TMOD3: variants seen among roughly 807,000 people sequenced by gnomAD.
TMOD3 encodes tropomodulin-3.
TMOD3 carries 20 observed loss-of-function variants against 39.2 expected under a neutral mutation model. The observed-to-expected ratio is 0.51, with a 90% CI of 0.36 to 0.74. TMOD3 has a LOEUF of 0.74. Among genes scored for constraint, TMOD3 ranks in the 30% least tolerant of loss-of-function variants. The probability of loss-of-function intolerance (pLI) is 0.00; values close to 1 mark genes in which losing one functional copy is unlikely to be tolerated. For synonymous variants in TMOD3, 143 were observed against 145.8 expected, an observed-to-expected ratio of 0.98 and a Z score of 0.14; for missense variants, 381 against 412.8, an observed-to-expected ratio of 0.92 and a Z score of 0.67.
At chr15:51,897,027 C>T (rs950170521) in intron 7 of TMOD3, among the ~76,000 whole-genome samples, 1 of 152,154 alleles carries the variant, frequency 6.6e-6, no homozygotes, top group Non-Finnish European at 1.5e-5. Context: ...GAGATAAATC[C>T]CACTTGATCA....
chr15:51,882,918 C>G (rs2056542250), intron 3 of TMOD3, among the ~76,000 whole-genome samples: 1 of 152,166 alleles, frequency 6.6e-6, no homozygotes, highest in East Asian at 1.9e-4. Flanking sequence ...AAACTTAGGT[C>G]CTTCCTAGTT....
chr15:51,832,637 G>T (rs776433095), intron 1 of TMOD3, among the ~76,000 whole-genome samples: 3 of 152,048 alleles, frequency 2.0e-5, no homozygotes, highest in Non-Finnish European at 4.4e-5. Context: ...TTCCAGGACA[G>T]CCTGGGCAAC....
intron 1 of TMOD3, among the ~76,000 whole-genome samples, chr15:51,855,233 A>G (rs1008102272): frequency 2.0e-5 from 3 of 152,234 alleles, no homozygotes; most frequent in South Asian, 2.1e-4. Flanking sequence ...CCTCTAGAGC[A>G]GTAGATCTCA....
chr15:51,852,594 G>A (rs1037948771), intron 1 of TMOD3, among the ~76,000 whole-genome samples: 10 of 152,116 alleles, frequency 6.6e-5, no homozygotes, highest in African/African-American at 1.4e-4. Context: ...AAGGATCAAC[G>A]GAAGTATCAA....
intron 4 of TMOD3, 150 bp downstream of exon 4, chr15:51,887,861 T>G: frequency 2.2e-6 from 2 of 904,882 alleles, no homozygotes; most frequent in Non-Finnish European, 3.3e-6. Flanking sequence ...TTTTACACGG[T>G]AAAGCTGACG....
chr15:51,902,580 C>T (rs994853582), intron 9 of TMOD3, among the ~76,000 whole-genome samples: 1 of 151,868 alleles, frequency 6.6e-6, no homozygotes, highest in Non-Finnish European at 1.5e-5. Context: ...AAGTGATTCT[C>T]CTCCCTCAGC....
chr15:51,849,324 C>G (rs911700569), intron 1 of TMOD3, among the ~76,000 whole-genome samples: 2 of 152,088 alleles, frequency 1.3e-5, no homozygotes, highest in African/African-American at 4.8e-5. Context: ...ATTTGAGAAA[C>G]CTGTTAGCCA....
In TMOD3 at chr15:51,857,940, A is replaced by G. The variant is rs1384059163; in HGVS notation, c.-74-4871A>G. 4 of 152,158 alleles carry G rather than the reference A, an allele frequency of 2.6e-5. No individual in the cohort carries two copies. In the East Asian group the frequency reaches 5.8e-4, roughly 22 times the overall value. 9.4% of individuals were successfully genotyped at this position (152,158 alleles called of 1,614,324 possible). On this transcript the variant is annotated intron_variant, in intron 1 of 9. Coordinates refer to ENST00000308580, the MANE Select transcript of TMOD3 (RefSeq NM_014547.5). ...AAATTTTTACCTTCTTCAGAATTACATTTTATGGCTAATATATTGGAAAGT... is the reference window on the plus strand; with the variant it reads ...AAATTTTTACCTTCTTCAGAATTACGTTTTATGGCTAATATATTGGAAAGT...
At chr15:51,861,969 G>T (rs1392818585) in intron 1 of TMOD3, among the ~76,000 whole-genome samples, 1 of 152,148 alleles carries the variant, frequency 6.6e-6, no homozygotes, top group African/African-American at 2.4e-5. Context: ...TTATGAGACA[G>T]ACAGTTCATA....
chr15:51,892,976 C>A (rs1209519606), intron 5 of TMOD3, among the ~76,000 whole-genome samples: 1 of 152,044 alleles, frequency 6.6e-6, no homozygotes, highest in Non-Finnish European at 1.5e-5. Flanking sequence ...TATTTATATT[C>A]AGTAAAATTT....
intron 1 of TMOD3, chr15:51,860,481 A>C (rs2056411720): frequency 1.8e-6 from 1 of 568,758 alleles, no homozygotes; most frequent in Non-Finnish European, 3.5e-6. Flanking sequence ...ATGAAAGTGC[A>C]GTGCCCAAAG....
chr15:51,893,203 G>C (rs1466193894), intron 5 of TMOD3, among the ~76,000 whole-genome samples: 4 of 148,358 alleles, frequency 2.7e-5, no homozygotes, highest in Non-Finnish European at 5.9e-5. Flanking sequence ...GCTGAGGCAG[G>C]AGAGTTGCTT....
At chr15:51,896,643 G>C in intron 7 of TMOD3, 117 bp downstream of exon 7, 1 of 688,380 alleles carries the variant, frequency 1.5e-6, no homozygotes, top group Non-Finnish European at 2.4e-6. Flanking sequence ...CTCACTATTA[G>C]GCAGTATATT....
intron 1 of TMOD3, among the ~76,000 whole-genome samples, chr15:51,849,923 G>C (rs1234669172): frequency 6.6e-6 from 1 of 150,630 alleles, no homozygotes; most frequent in African/African-American, 2.4e-5. Context: ...GACAGAACGA[G>C]ACTCTGTCTC....
At chr15:51,908,733 C>T in intron 9 of TMOD3, 43 bp from the exon 10 acceptor site, 2 of 1,510,800 alleles carry the variant, frequency 1.3e-6, no homozygotes, top group Non-Finnish European at 8.9e-7. Context: ...ATTGTAAAAA[C>T]TAATAGGGAT....
rs76659159 is a variant in TMOD3 at position 51,888,735 on chromosome 15, G to C, written c.407-321G>C. On this transcript the variant is annotated intron_variant, in intron 4 of 9. Transcript: ENST00000308580. ...TAGAAACCTTGTGAAATTAATGAAC[G>C]GCAAAAATAGATCATTTCCATTTTC... Among the ~76,000 whole-genome samples, 798 of 152,092 alleles carry C rather than the reference G, an allele frequency of 5.2e-3. 3 individuals are homozygous for C. The highest frequency in any genetic ancestry group is 0.019 in the African/African-American group (768 of 41,470).
At chr15:51,842,416 C>G (rs1049128724) in intron 1 of TMOD3, among the ~76,000 whole-genome samples, 9 of 152,138 alleles carry the variant, frequency 5.9e-5, no homozygotes, top group African/African-American at 2.2e-4. Flanking sequence ...CTAGCAAGCC[C>G]TCTTCAGTGC....
At position 51,911,885 on chromosome 15, in the gene TMOD3, G is replaced by A. The variant is rs1595917319; in HGVS notation, c.*3075G>A. ...TTTCAAAGTTGCCTGTCATTTAAAA[G>A]ACCAAATAAGCATTTTGTATTAAAT... On this transcript the variant is annotated 3_prime_UTR_variant, in exon 10 of 10. Coordinates refer to ENST00000308580, the MANE Select transcript of TMOD3 (RefSeq NM_014547.5). The A allele has an allele frequency of 6.6e-6, 1 of 152,270 alleles. No individual in the cohort carries two copies. The allele number at this position is 152,270 out of a possible 1,614,324, so 9.4% of individuals were successfully genotyped here. A position where few individuals can be genotyped will look rare whatever the true frequency, so the allele number is the denominator to read the frequency against.
chr15:51,892,519 A>T (rs2056598914), intron 5 of TMOD3: 2 of 152,140 alleles, frequency 1.3e-5, no homozygotes, highest in Non-Finnish European at 1.5e-5. Context: ...GGAGGGCAGT[A>T]AATTTTGGAG....
Sources: gnomAD v4.1 joint callset for allele counts (sites outside exome capture counted in the v4.1 genomes callset) on GRCh38, gnomAD v4.1.1 for gene constraint, MANE v1.5 for transcripts, NCBI Gene and HGNC (gene_info 2026-07-23, HGNC 2026-07-21) for gene names.